FARSB: variants seen among roughly 807,000 people sequenced by gnomAD.
FARSB encodes phenylalanyl-tRNA synthetase subunit beta.
Under a neutral mutation model 69.6 loss-of-function variants are expected in FARSB, and 40 were observed. That is an observed-to-expected ratio of 0.57 (90% CI 0.45 to 0.75). The LOEUF is 0.75. FARSB is among the 30% of genes least tolerant of loss of function. The pLI, the probability that FARSB is intolerant of heterozygous loss-of-function variation, is 0.00. For synonymous variants in FARSB, 235 were observed against 247.2 expected, an observed-to-expected ratio of 0.95 and a Z score of 0.46; for missense variants, 632 against 722.9, an observed-to-expected ratio of 0.87 and a Z score of 1.44.
intron 16 of FARSB, among the ~76,000 whole-genome samples, chr2:222,582,690 C>T (rs1000371245): frequency 1.8e-4 from 27 of 152,046 alleles, no homozygotes; most frequent in African/African-American, 6.0e-4. Flanking sequence ...TTTGGGAGGC[C>T]GAGGAAGGCA....
intron 16 of FARSB, among the ~76,000 whole-genome samples, chr2:222,583,029 G>A (rs569391343): frequency 6.6e-6 from 1 of 152,160 alleles, no homozygotes; most frequent in East Asian, 1.9e-4. Context: ...ACCAAACACT[G>A]CATGTTCTCA....
intron 16 of FARSB, among the ~76,000 whole-genome samples, chr2:222,579,894 T>A (rs2106178943): frequency 6.6e-6 from 1 of 152,278 alleles, no homozygotes; most frequent in Non-Finnish European, 1.5e-5. Context: ...TGCAACTGCC[T>A]CCCCTGACAA....
chr2:222,605,162 T>TCTCTCC (rs1690669081), intron 15 of FARSB, among the ~76,000 whole-genome samples: 1 of 10,580 alleles, frequency 9.5e-5, no homozygotes, highest in South Asian at 3.1e-3. Flanking sequence ...ATACAAACTT[T>TCTCTCC]CTCTCTCTCT....
At chr2:222,650,539 G>C (rs575150543) in intron 1 of FARSB, among the ~76,000 whole-genome samples, 1 of 152,304 alleles carries the variant, frequency 6.6e-6, no homozygotes, top group South Asian at 2.1e-4. Flanking sequence ...GTAGGAATAG[G>C]GAGTGTGTAG....
intron 1 of FARSB, among the ~76,000 whole-genome samples, chr2:222,651,068 G>A (rs551013926): frequency 5.9e-5 from 9 of 152,286 alleles, no homozygotes; most frequent in South Asian, 2.1e-4. Flanking sequence ...GCTTTGAGGC[G>A]TGTAAATGAA....
intron 16 of FARSB, among the ~76,000 whole-genome samples, chr2:222,575,078 G>C (rs775604425): frequency 6.6e-6 from 1 of 152,190 alleles, no homozygotes; most frequent in Non-Finnish European, 1.5e-5. Context: ...AGAAAACAAG[G>C]GAGATATAGC....
At chr2:222,627,789 G>A (rs911024463) in intron 10 of FARSB, among the ~76,000 whole-genome samples, 16 of 152,176 alleles carry the variant, frequency 1.1e-4, no homozygotes, top group African/African-American at 3.6e-4. Flanking sequence ...TTTGATCTTA[G>A]CAGGTTTCAT....
rs755335682 is a variant in FARSB at position 222,639,673 on chromosome 2, G to A, written c.362C>T (p.Ala121Val). Residue 121 changes from alanine (A) to valine (V), a missense_variant, in exon 5 of 17, where the codon GCG becomes GTG. Transcript: ENST00000281828. ...TEETAKIRPFAVAAVLRNIKF... is the reference protein window; with the variant it reads ...TEETAKIRPFVVAAVLRNIKF... ...TATATTACGGAGAACTGCTGCTACC[G>A]CAAAAGGACGTATCTTAGCTGTCTG... 3.7e-5 allele frequency: 58 copies of A among 1,566,374 alleles called. No homozygotes were observed. The highest frequency in any genetic ancestry group is 4.4e-5 in the Non-Finnish European group (50 of 1,148,976).
chr2:222,597,325 C>T (rs79482336), intron 16 of FARSB, among the ~76,000 whole-genome samples: 1,821 of 152,164 alleles, frequency 0.012, 18 homozygotes, highest in Middle Eastern at 0.027. Flanking sequence ...AAGTCTGAGT[C>T]TGTAAATATT....
chr2:222,643,094 T>C, intron 2 of FARSB, 89 bp from the exon 3 acceptor site: 2 of 604,052 alleles, frequency 3.3e-6, no homozygotes, highest in Non-Finnish European at 5.6e-6. Context: ...AGGCAGTAAC[T>C]ACATTATACA....
intron 2 of FARSB, among the ~76,000 whole-genome samples, chr2:222,644,990 A>C (rs1210847399): frequency 6.6e-6 from 1 of 152,000 alleles, no homozygotes; most frequent in African/African-American, 2.4e-5. Flanking sequence ...TTTGCAAAAA[A>C]AAAAAAAGAC....
chr2:222,634,718 G>A (rs1406100699), intron 5 of FARSB, among the ~76,000 whole-genome samples, 177 bp from the exon 6 acceptor site: 2 of 152,122 alleles, frequency 1.3e-5, no homozygotes, highest in African/African-American at 4.8e-5. Flanking sequence ...GGCATCATTA[G>A]TGGCATATAA....
intron 16 of FARSB, among the ~76,000 whole-genome samples, chr2:222,587,641 T>A (rs557145326): frequency 6.6e-6 from 1 of 151,302 alleles, no homozygotes; most frequent in African/African-American, 2.4e-5. Context: ...GAGAGAAGAA[T>A]CAAATAGACG....
At chr2:222,646,332 T>TGGGA (rs1691856293) in intron 2 of FARSB, among the ~76,000 whole-genome samples, 1 of 120,110 alleles carries the variant, frequency 8.3e-6, no homozygotes, top group South Asian at 2.4e-4. Context: ...AGATAAAATC[T>TGGGA]TCTTGGGTTA....
chr2:222,587,181 T>G (rs2106185963), intron 16 of FARSB, among the ~76,000 whole-genome samples: 1 of 152,250 alleles, frequency 6.6e-6, no homozygotes, highest in African/African-American at 2.4e-5. Flanking sequence ...TGTAATCAAA[T>G]TAGAACTCAG....
intron 5 of FARSB, among the ~76,000 whole-genome samples, chr2:222,638,587 C>T (rs920746339): frequency 2.6e-5 from 4 of 152,096 alleles, no homozygotes; most frequent in Admixed American, 1.3e-4. Flanking sequence ...TATTTGGAAT[C>T]TGAAAAAAAT....
chr2:222,639,742 T>G, intron 4 of FARSB, 47 bp from the exon 5 acceptor site: 1 of 864,232 alleles, frequency 1.2e-6, no homozygotes, highest in Non-Finnish European at 1.8e-6. Flanking sequence ...AAGGCTTTTC[T>G]TTGTAATATC....
intron 13 of FARSB, among the ~76,000 whole-genome samples, chr2:222,620,343 T>C (rs1284284375): frequency 6.6e-6 from 1 of 152,240 alleles, no homozygotes; most frequent in Non-Finnish European, 1.5e-5. Context: ...GGCAGAACAG[T>C]AGGACTGACA....
intron 1 of FARSB, among the ~76,000 whole-genome samples, chr2:222,650,482 C>T (rs997276022): frequency 6.6e-6 from 1 of 152,000 alleles, no homozygotes; most frequent in African/African-American, 2.4e-5. Flanking sequence ...ATATGAAAAA[C>T]GTTAAAGAGG....
Sources: gnomAD v4.1 joint callset for allele counts (sites outside exome capture counted in the v4.1 genomes callset) on GRCh38, gnomAD v4.1.1 for gene constraint, MANE v1.5 for transcripts, NCBI Gene and HGNC (gene_info 2026-07-23, HGNC 2026-07-21) for gene names.